GIT2: variants seen among roughly 807,000 people sequenced by gnomAD.
GIT2 encodes the protein GIT ArfGAP 2.
GIT2 carries 32 observed loss-of-function variants against 100.3 expected under a neutral mutation model. The ratio of observed to expected loss-of-function variants is 0.32; its 90% CI spans 0.24 to 0.43. GIT2 has a LOEUF of 0.43. Ranked by LOEUF, GIT2 falls within the 20% of genes least tolerant of loss-of-function variation. The probability of loss-of-function intolerance (pLI) is 1.00; values close to 1 mark genes in which losing one functional copy is unlikely to be tolerated. For missense variants in GIT2, 737 were observed against 975.1 expected (o/e 0.76, Z 3.25); for synonymous variants, 353 against 364.1 (o/e 0.97, Z 0.35).
intron 6 of GIT2, 100 bp from the exon 7 acceptor site, chr12:109,981,146 C>T: frequency 1.3e-6 from 1 of 781,432 alleles, no homozygotes; most frequent in Non-Finnish European, 2.3e-6. Flanking sequence ...CAGTTTATCA[C>T]ACAAGACTTT....
chr12:109,981,262 A>T, intron 6 of GIT2: 1 of 451,138 alleles, frequency 2.2e-6, no homozygotes, highest in Non-Finnish European at 4.0e-6. Flanking sequence ...TCCTTTATTA[A>T]GGCCAAAATA....
chr12:109,975,423 G>C (rs1177283352), intron 7 of GIT2, among the ~76,000 whole-genome samples: 1 of 152,010 alleles, frequency 6.6e-6, no homozygotes, highest in African/African-American at 2.4e-5. Flanking sequence ...TGCTTGGGCT[G>C]GTCTCAAACT....
At chr12:109,973,812 C>T (rs2136617651) in intron 7 of GIT2, among the ~76,000 whole-genome samples, 1 of 151,938 alleles carries the variant, frequency 6.6e-6, no homozygotes, top group Middle Eastern at 3.4e-3. Flanking sequence ...GAGGCTGAGG[C>T]AGGCAGATCA....
chr12:109,969,779 G>C (rs565836526), intron 7 of GIT2, among the ~76,000 whole-genome samples: 1 of 149,236 alleles, frequency 6.7e-6, no homozygotes, highest in East Asian at 2.0e-4. Context: ...TTTTTGAGAC[G>C]CGGTCTCACT....
At position 109,938,585 on chromosome 12, in the gene GIT2, T is replaced by C. The variant is rs750760732; in HGVS notation, c.1815-17A>G. The C allele has an allele frequency of 7.1e-6, 11 of 1,558,714 alleles. No individual in the cohort carries two copies. The highest frequency in any genetic ancestry group is 1.4e-5 in the African/African-American group (1 of 73,024). On this transcript the variant is annotated splice_polypyrimidine_tract_variant and intron_variant, in intron 17 of 19. Coordinates refer to ENST00000355312, the MANE Select transcript of GIT2 (RefSeq NM_057169.5). ...CGGCTTGACCTGTGAACATTAAAGA[T>C]GCAGTTAAATACAGCAGGTGCTTAT...
intron 7 of GIT2, among the ~76,000 whole-genome samples, chr12:109,971,029 T>G (rs905096007): frequency 6.6e-6 from 1 of 152,180 alleles, no homozygotes; most frequent in Non-Finnish European, 1.5e-5. Flanking sequence ...CAAGTAGTCC[T>G]CCCGCCGTGG....
intron 4 of GIT2, among the ~76,000 whole-genome samples, chr12:109,984,874 T>TGTGTAAGCTACAGGATCCTGC (rs1887030906): frequency 6.6e-6 from 1 of 152,218 alleles, no homozygotes; most frequent in African/African-American, 2.4e-5. Context: ...AATTCTACAC[T>TGTGTAAGCTACAGGATCCTGC]GTGTAAGCTA....
intron 16 of GIT2, chr12:109,940,498 C>G (rs148215178): frequency 1.3e-5 from 2 of 152,266 alleles, no homozygotes; most frequent in East Asian, 3.9e-4. Context: ...GCTAAGGACA[C>G]AGATGTAAAC....
intron 15 of GIT2, among the ~76,000 whole-genome samples, chr12:109,946,669 C>T (rs2136230430): frequency 6.6e-6 from 1 of 152,228 alleles, no homozygotes; most frequent in South Asian, 2.1e-4. Context: ...CCACACTTCC[C>T]CCACCACGGT....
rs913412337 is a variant in GIT2, at chr12:109,941,199, G to A, written c.1732-1952C>T. Among the ~76,000 whole-genome samples the A allele has an allele frequency of 1.6e-4, 24 of 152,246 alleles. No homozygotes were observed. The East Asian group carries it at 2.7e-3, about 17-fold the overall frequency. On this transcript the variant is annotated intron_variant, in intron 16 of 19. Transcript: ENST00000355312. ...GGCTCCTAAAATTCACTATGAACTC[G>A]TGCATCCTGAAGCCACTCAAATCCA...
chr12:109,992,140 C>CCTTTTT (rs1555239519), intron 1 of GIT2: 1 of 92,174 alleles, frequency 1.1e-5, no homozygotes, highest in Non-Finnish European at 2.0e-5. Context: ...CAAGATAATA[C>CCTTTTT]TTTTTTTTTT....
At chr12:109,968,337 ATTT>A (rs112370559) in intron 7 of GIT2, among the ~76,000 whole-genome samples, 4 of 144,874 alleles carry the variant, frequency 2.8e-5, no homozygotes, top group African/African-American at 1.0e-4. Flanking sequence ...TCTTCATGTG[ATTT>A]TTTTTTTTGC....
Position 109,976,282 on chromosome 12 carries a change from A to AT in GIT2, c.718+4669_718+4670insA, listed in dbSNP as rs1565996449. Among the ~76,000 whole-genome samples, 300 of 148,914 alleles carry AT rather than the reference A, an allele frequency of 2.0e-3. 1 individual carries two copies. Among genetic ancestry groups the AT allele is most frequent in the African/African-American group, 7.4e-3 (293 of 39,634 alleles). ...ATATATGCTGAAAACCCTACTAGAT[A>AT]ATTTTTTTTTTTTTTTTTTTGAGAC... On this transcript the variant is annotated intron_variant, in intron 7 of 19. Coordinates refer to ENST00000355312, the MANE Select transcript of GIT2 (RefSeq NM_057169.5).
At chr12:109,970,933 G>C (rs1198970875) in intron 7 of GIT2, among the ~76,000 whole-genome samples, 1 of 152,168 alleles carries the variant, frequency 6.6e-6, no homozygotes, top group East Asian at 1.9e-4. Flanking sequence ...GAGACCACAG[G>C]CATGCACCAT....
intron 18 of GIT2, among the ~76,000 whole-genome samples, chr12:109,936,260 TAAA>T (rs547925577): frequency 7.3e-6 from 1 of 136,382 alleles, no homozygotes. Context: ...CTCATGGTCT[TAAA>T]AAAAAAAAAA....
At chr12:109,959,440 T>G (rs559974909) in intron 12 of GIT2, among the ~76,000 whole-genome samples, 7 of 152,262 alleles carry the variant, frequency 4.6e-5, no homozygotes, top group Admixed American at 1.3e-4. Context: ...AGGATGCAAT[T>G]TTACAGGGTA....
At chr12:109,988,579 G>A (rs903626515) in intron 4 of GIT2, among the ~76,000 whole-genome samples, 33 of 152,068 alleles carry the variant, frequency 2.2e-4, no homozygotes, top group African/African-American at 7.2e-4. Context: ...CCCTGGCCGG[G>A]TGCAGTGGCT....
intron 12 of GIT2, chr12:109,953,864 T>G (rs1878589288): frequency 6.6e-6 from 1 of 152,228 alleles, no homozygotes; most frequent in African/African-American, 2.4e-5. Flanking sequence ...TTTCTAGAGA[T>G]AGAGCCTAGC....
In GIT2 at chr12:109,947,503, A is replaced by G; in HGVS notation, c.1394T>C (p.Leu465Pro). The change falls in exon 15 of 20, where the codon CTT becomes CCT. Residue 465 changes from leucine (L) to proline (P), a missense_variant and splice_region_variant. Physicochemically the swap from Leu to Pro is moderately conservative, Grantham distance 98. This residue lies in a region of GIT2 where 451 missense variants were observed against 543.7 expected (regional missense o/e 0.83). Transcript: ENST00000355312. The surrounding 1 kb of genome is among the most constrained non-coding windows in gnomAD (Gnocchi z 4.3). ...SDELRIMQKK[L>P]QTLQSENSNL... ...CGAATTTTCACTCTGGAGTGTTTGA[A>G]GCTGAAAGAAATGTTTGGCAGTGGG... 1 of 1,611,622 alleles carries G rather than the reference A, an allele frequency of 6.2e-7. No homozygotes were observed. The highest frequency in any genetic ancestry group is 8.5e-7 in the Non-Finnish European group (1 of 1,178,254).
Sources: gnomAD v4.1 joint callset for allele counts (sites outside exome capture counted in the v4.1 genomes callset) on GRCh38, gnomAD v4.1.1 for gene constraint, gnomAD v4.1.1 regional missense constraint, Gnocchi (gnomAD v3.1) non-coding constraint, MANE v1.5 for transcripts, NCBI Gene and HGNC (gene_info 2026-07-23, HGNC 2026-07-21) for gene names.